LRRC31: variants seen among roughly 807,000 people sequenced by gnomAD.
LRRC31 encodes leucine rich repeat containing 31, also known as leucine-rich repeat-containing protein 31.
LRRC31 carries 35 observed loss-of-function variants against 46.7 expected under a neutral mutation model. The ratio of observed to expected loss-of-function variants is 0.75; its 90% confidence interval spans 0.57 to 0.99. The LOEUF (loss-of-function observed/expected upper bound fraction) is 0.99. Among genes scored for constraint, LRRC31 ranks in the 50% least tolerant of loss-of-function variants. The pLI is 0.00. For missense variants in LRRC31, 613 were observed against 626.1 expected (o/e 0.98, Z 0.22); for synonymous variants, 236 against 235.1 (o/e 1.00, Z -0.03).
chr3:169,851,918 A>C (rs1576788526), intron 6 of LRRC31, 132 bp from the exon 7 acceptor site: 1 of 813,748 alleles, frequency 1.2e-6, no homozygotes, highest in Non-Finnish European at 1.9e-6. Context: ...CCTCCTTTAT[A>C]CACCCCAAAC....
rs377511026 is a variant in LRRC31 at position 169,848,326 on chromosome 3, T to C, written c.1160-39A>G. On this transcript the variant is annotated intron_variant, in intron 7 of 8. Coordinates refer to ENST00000316428, the MANE Select transcript of LRRC31 (RefSeq NM_024727.4). ...CAATACGAACAGCAGTAATTTAGGA[T>C]TTCTTACAGATCATAGGCTTTGGAT... The C allele has an allele frequency of 5.7e-5, 90 of 1,589,286 alleles. No individual in the cohort carries two copies. In the African/African-American group the frequency reaches 1.1e-3, roughly 20 times the overall value.
At chr3:169,859,110 G>A (rs1781063543) in intron 3 of LRRC31, among the ~76,000 whole-genome samples, 1 of 149,156 alleles carries the variant, frequency 6.7e-6, no homozygotes, top group Non-Finnish European at 1.5e-5. Context: ...GCCAGGCATG[G>A]TGGTGCACGC....
At chr3:169,852,070 G>A (rs1442291202) in intron 6 of LRRC31, among the ~76,000 whole-genome samples, 2 of 152,032 alleles carry the variant, frequency 1.3e-5, no homozygotes, top group Non-Finnish European at 2.9e-5. Flanking sequence ...GTTAATTAAC[G>A]TCTCTGAACC....
intron 1 of LRRC31, among the ~76,000 whole-genome samples, chr3:169,864,730 T>C (rs1310361228): frequency 1.3e-5 from 2 of 152,198 alleles, no homozygotes; most frequent in Non-Finnish European, 2.9e-5. Flanking sequence ...GAGTACTAAC[T>C]TATGAGACCC....
Position 169,839,929 on chromosome 3 carries a change from G to T in LRRC31, c.*53C>A. On this transcript the variant is annotated 3_prime_UTR_variant, in exon 9 of 9. Coordinates refer to ENST00000316428, the MANE Select transcript of LRRC31 (RefSeq NM_024727.4). ...GTTCATGACTCTGGAATTCGTTCAT[G>T]TTCTTTTCCTTTGGAGAATGGTTTG... 1 of 1,443,476 alleles carries T rather than the reference G, an allele frequency of 6.9e-7. No individual in the cohort carries two copies. Among genetic ancestry groups the T allele is most frequent in the African/African-American group, 1.4e-5 (1 of 70,474 alleles). 89.4% of individuals were successfully genotyped at this position (1,443,476 alleles called of 1,614,324 possible).
At chr3:169,846,464 A>G (rs1363964063) in intron 8 of LRRC31, among the ~76,000 whole-genome samples, 4 of 152,214 alleles carry the variant, frequency 2.6e-5, no homozygotes, top group Non-Finnish European at 5.9e-5. Flanking sequence ...AGCCTGGCCA[A>G]CAGGGCGAAA....
chr3:169,863,415 T>G (rs760244614), intron 1 of LRRC31, among the ~76,000 whole-genome samples: 1 of 152,152 alleles, frequency 6.6e-6, no homozygotes, highest in African/African-American at 2.4e-5. Context: ...AAGAAATACA[T>G]TGGTACCTGT....
At chr3:169,844,339 A>G (rs1157561232) in intron 8 of LRRC31, among the ~76,000 whole-genome samples, 1 of 152,224 alleles carries the variant, frequency 6.6e-6, no homozygotes, top group African/African-American at 2.4e-5. Flanking sequence ...ATGAATATTA[A>G]TGAACTATAG....
intron 8 of LRRC31, among the ~76,000 whole-genome samples, chr3:169,842,847 A>C (rs1460368053): frequency 6.6e-6 from 1 of 152,224 alleles, no homozygotes; most frequent in Non-Finnish European, 1.5e-5. Flanking sequence ...TTTTAATTAT[A>C]AACATTAAAT....
intron 8 of LRRC31, 32 bp downstream of exon 8, chr3:169,848,088 C>A: frequency 6.3e-7 from 1 of 1,595,768 alleles, no homozygotes; most frequent in Non-Finnish European, 8.6e-7. Flanking sequence ...GCTCTGTTTG[C>A]CAAGACCGCT....
Position 169,839,788 on chromosome 3 carries a change from T to G in LRRC31, c.*194A>C, listed in dbSNP as rs1780389601. On this transcript the variant is annotated 3_prime_UTR_variant, in exon 9 of 9. Transcript: ENST00000316428. ...TTTACATATATATGTGTATTATATA[T>G]GTATATTATATATATGTGTATATAT... 5.2e-6 allele frequency: 1 copy of G among 190,806 alleles called. No homozygotes were observed. Among genetic ancestry groups the G allele is most frequent in the Non-Finnish European group, 1.0e-5 (1 of 97,732 alleles). The allele number at this position is 190,806 out of a possible 1,614,324, so 11.8% of individuals were successfully genotyped here.
chr3:169,846,469 G>A (rs555532108), intron 8 of LRRC31, among the ~76,000 whole-genome samples: 1 of 152,246 alleles, frequency 6.6e-6, no homozygotes, highest in African/African-American at 2.4e-5. Context: ...GGCCAACAGG[G>A]CGAAACCCCG....
rs1388668873 is a variant in LRRC31 at position 169,857,343 on chromosome 3, T to TACAC, written c.488-472_488-471insGTGT. Among the ~76,000 whole-genome samples the TACAC allele has an allele frequency of 2.7e-3, 275 of 102,412 alleles. 3 individuals are homozygous for TACAC. The highest frequency in any genetic ancestry group is 9.1e-3 in the African/African-American group (246 of 27,176). 67.2% of individuals were successfully genotyped at this position (102,412 alleles called of 152,430 possible). On this transcript the variant is annotated intron_variant, in intron 3 of 8. Coordinates refer to ENST00000316428, the MANE Select transcript of LRRC31 (RefSeq NM_024727.4). ...CTATATATATATATATATATATATA[T>TACAC]ATACACACACACACACACACACACA...
At chr3:169,844,930 C>CAAAAAAAAAAAAAAAAAA in intron 8 of LRRC31, among the ~76,000 whole-genome samples, 1 of 99,628 alleles carries the variant, frequency 1.0e-5, no homozygotes, top group Non-Finnish European at 2.2e-5. Flanking sequence ...GACTCCATCT[C>CAAAAAAAAAAAAAAAAAA]AAAAAAAAAA....
chr3:169,852,772 G>A (rs933936814), intron 6 of LRRC31, among the ~76,000 whole-genome samples: 15 of 152,160 alleles, frequency 9.9e-5, no homozygotes, highest in Non-Finnish European at 5.9e-5. Context: ...GCCTTCCAGG[G>A]TCACCCACAC....
chr3:169,853,267 AATG>A (rs1780843774), intron 6 of LRRC31: 1 of 985,124 alleles, frequency 1.0e-6, no homozygotes, highest in African/African-American at 1.7e-5. Flanking sequence ...AGCAATTTAC[AATG>A]ATCGGATAAA....
rs756803779 is a variant in LRRC31 at position 169,839,963 on chromosome 3, T to C, written c.*19A>G. The C allele has an allele frequency of 6.3e-6, 10 of 1,576,758 alleles. No individual in the cohort carries two copies. Among genetic ancestry groups the C allele is most frequent in the South Asian group, 1.2e-5 (1 of 86,104 alleles). ...CTTTGGAGAATGGTTTGTAGCTTAG[T>C]AGGACATGGGAAATCAGTTTACTGA... On this transcript the variant is annotated 3_prime_UTR_variant, in exon 9 of 9. Coordinates refer to ENST00000316428, the MANE Select transcript of LRRC31 (RefSeq NM_024727.4).
chr3:169,839,864 T>C lies in LRRC31; in HGVS notation c.*118A>G, dbSNP rs1780393388. 1.9e-6 allele frequency: 1 copy of C among 524,536 alleles called. No homozygotes were observed. The highest frequency in any genetic ancestry group is 3.4e-6 in the Non-Finnish European group (1 of 297,862). 32.5% of individuals were successfully genotyped at this position (524,536 alleles called of 1,614,324 possible). On this transcript the variant is annotated 3_prime_UTR_variant, in exon 9 of 9. Coordinates refer to ENST00000316428, the MANE Select transcript of LRRC31 (RefSeq NM_024727.4). ...TATATATATATTTACAAAGCTCTTGTAATATAAGTCCCATTAAATGGCCCA... is the reference window on the plus strand; with the variant it reads ...TATATATATATTTACAAAGCTCTTGCAATATAAGTCCCATTAAATGGCCCA...
chr3:169,842,864 A>G (rs79060268), intron 8 of LRRC31, among the ~76,000 whole-genome samples: 8,902 of 152,288 alleles, frequency 0.058, 332 homozygotes, highest in Admixed American at 0.096. Flanking sequence ...AAATAAAATA[A>G]CTTAAATATA....
Sources: allele counts gnomAD v4.1 joint callset (sites outside exome capture counted in the v4.1 genomes callset), GRCh38; gene constraint gnomAD v4.1.1; transcripts MANE v1.5; gene names NCBI Gene and HGNC (gene_info 2026-07-23, HGNC 2026-07-21).